C3orf85: variants seen among roughly 807,000 people sequenced by gnomAD.
C3orf85 encodes the protein uncharacterized protein C3orf85.
In C3orf85, 1 loss-of-function variant was observed where a neutral mutation model predicts 1.7. The ratio of observed to expected loss-of-function variants is 0.60; its 90% CI spans 0.21 to 2.86. The LOEUF (loss-of-function observed/expected upper bound fraction) is 2.86. Among genes scored for constraint, C3orf85 ranks in the 30% most tolerant of loss-of-function variants. C3orf85 has a pLI of 0.22. For missense variants in C3orf85, 29 were observed against 21.3 expected (o/e 1.36, Z -0.72); for synonymous variants, 17 against 8.0 (o/e 2.13, Z -1.90).
chr3:109,142,508 A>G (rs951661879), intron 2 of C3orf85, among the ~76,000 whole-genome samples: 7 of 152,210 alleles, frequency 4.6e-5, no homozygotes, highest in Non-Finnish European at 8.8e-5. Flanking sequence ...AGTATTACCT[A>G]GACCCTAAGG....
chr3:109,146,630 T>C (rs989034092), intron 2 of C3orf85, among the ~76,000 whole-genome samples: 4 of 152,256 alleles, frequency 2.6e-5, no homozygotes, highest in African/African-American at 9.6e-5. Flanking sequence ...TGTCATGTGG[T>C]CTTCTCCCTC....
At chr3:109,148,620 C>T (rs1003258537) in intron 3 of C3orf85, 30 of 459,792 alleles carry the variant, frequency 6.5e-5, no homozygotes, top group Admixed American at 1.9e-4. Context: ...CTTCTCAGGG[C>T]GACATTTGTC....
Position 109,136,908 on chromosome 3 carries a change from T to C in C3orf85, c.49+12T>C. On this transcript the variant is annotated intron_variant, in intron 2 of 3. Coordinates refer to ENST00000622536, the MANE Select transcript of C3orf85 (RefSeq NM_001351622.2). ...AACATTGCTTATCGGTAAGAGCCTATTTCTTTTTTATTTATCATGTCTCCT... is the reference window on the plus strand; with the variant it reads ...AACATTGCTTATCGGTAAGAGCCTACTTCTTTTTTATTTATCATGTCTCCT... 2.4e-6 allele frequency: 1 copy of C among 414,944 alleles called. No homozygotes were observed. The allele number at this position is 414,944 out of a possible 1,614,324, so 25.7% of individuals were successfully genotyped here.
intron 2 of C3orf85, among the ~76,000 whole-genome samples, chr3:109,138,947 A>G (rs907396857): frequency 6.6e-6 from 1 of 152,248 alleles, no homozygotes; most frequent in African/African-American, 2.4e-5. Context: ...GCCTTCTTCT[A>G]TAATGAAATC....
At chr3:109,144,157 T>G (rs2107834978) in intron 2 of C3orf85, among the ~76,000 whole-genome samples, 1 of 152,192 alleles carries the variant, frequency 6.6e-6, no homozygotes, top group East Asian at 1.9e-4. Context: ...AAACTCAGGG[T>G]TCAGTTTTCA....
Position 109,150,385 on chromosome 3 carries a change from C to G in C3orf85, c.*491C>G, listed in dbSNP as rs899475048. The G allele has an allele frequency of 6.6e-6, 1 of 152,092 alleles. No homozygotes were observed. The highest frequency in any genetic ancestry group is 1.5e-5 in the Non-Finnish European group (1 of 68,018). The allele number at this position is 152,092 out of a possible 1,614,324, so 9.4% of individuals were successfully genotyped here. ...ACCATGACTTTGAAACGTTTTTCAT[C>G]AAAGGTGTACTGCTGAGTGGAGAAT... On this transcript the variant is annotated 3_prime_UTR_variant, in exon 4 of 4. Coordinates refer to ENST00000622536, the MANE Select transcript of C3orf85 (RefSeq NM_001351622.2).
chr3:109,139,452 T>A (rs754397576), intron 2 of C3orf85, among the ~76,000 whole-genome samples: 1 of 152,160 alleles, frequency 6.6e-6, no homozygotes, highest in Non-Finnish European at 1.5e-5. Context: ...AGGGCATTTA[T>A]TAAAACCAAA....
rs1706823106 is a variant in C3orf85 at position 109,148,301 on chromosome 3, T to A, written c.98T>A (p.Leu33Gln). 1.4e-6 allele frequency: 1 copy of A among 702,746 alleles called. No homozygotes were observed. The highest frequency in any genetic ancestry group is 2.6e-6 in the Non-Finnish European group (1 of 384,800). The allele number at this position is 702,746 out of a possible 1,614,324, so 43.5% of individuals were successfully genotyped here. A position where few individuals can be genotyped will look rare whatever the true frequency, so the allele number is the denominator to read the frequency against. Residue 33 changes from leucine to glutamine, a missense_variant, in exon 3 of 4, where the codon CTA (leucine) becomes CAA (glutamine). Coordinates refer to ENST00000622536, the MANE Select transcript of C3orf85 (RefSeq NM_001351622.2). ...TTGGAAGACCCTGCAAACCAGTTCC[T>A]ACGTCTCAAAAGACATGTAAATTTG... is the stretch of plus-strand genomic sequence containing the variant. ...FLLEDPANQF[L>Q]RLKRHVNLQD...
At chr3:109,143,744 C>T (rs568034933) in intron 2 of C3orf85, among the ~76,000 whole-genome samples, 29 of 152,234 alleles carry the variant, frequency 1.9e-4, no homozygotes, top group African/African-American at 6.7e-4. Flanking sequence ...ACTTGTTTCA[C>T]AGAATAAAAA....
At position 109,150,135 on chromosome 3, in the gene C3orf85, T is replaced by G. The variant is rs923003708; in HGVS notation, c.*241T>G. 1 of 247,400 alleles carries G rather than the reference T, an allele frequency of 4.0e-6. No homozygotes were observed. Among genetic ancestry groups the G allele is most frequent in the African/African-American group, 2.2e-5 (1 of 44,556 alleles). The allele number at this position is 247,400 out of a possible 1,614,324, so 15.3% of individuals were successfully genotyped here. On this transcript the variant is annotated 3_prime_UTR_variant, in exon 4 of 4. Transcript: ENST00000622536. ...GAACTAAAAAAAAAAAAGGCTGTAG[T>G]AATAACATTTACCAAAACGATGGCA...
intron 3 of C3orf85, chr3:109,148,822 T>TTAAGCTTAATAAATTATTAATC (rs1706831128): frequency 6.3e-6 from 1 of 158,182 alleles, no homozygotes; most frequent in African/African-American, 2.4e-5. Flanking sequence ...TAATAAATTA[T>TTAAGCTTAATAAATTATTAATC]TACATGTATG....
At chr3:109,144,915 A>G (rs1047270215) in intron 2 of C3orf85, among the ~76,000 whole-genome samples, 5 of 152,248 alleles carry the variant, frequency 3.3e-5, no homozygotes, top group Admixed American at 6.5e-5. Context: ...CACATAAAAT[A>G]TGTAACACTG....
chr3:109,140,702 T>C (rs1706735515), intron 2 of C3orf85, among the ~76,000 whole-genome samples: 1 of 152,210 alleles, frequency 6.6e-6, no homozygotes, highest in Admixed American at 6.5e-5. Context: ...ATTATGAATT[T>C]CCATGTCTAC....
At chr3:109,142,944 A>AC (rs1478140012) in intron 2 of C3orf85, among the ~76,000 whole-genome samples, 7 of 152,256 alleles carry the variant, frequency 4.6e-5, no homozygotes, top group Non-Finnish European at 8.8e-5. Context: ...TGATGACTGG[A>AC]CCCCCAAATT....
chr3:109,137,564 C>G (rs942817973), intron 2 of C3orf85, among the ~76,000 whole-genome samples: 1 of 148,802 alleles, frequency 6.7e-6, no homozygotes, highest in South Asian at 2.1e-4. Flanking sequence ...GACTCATGCA[C>G]AAAAATTATA....
Position 109,138,829 on chromosome 3 carries a change from G to A in C3orf85, c.49+1933G>A, listed in dbSNP as rs549412840. 2.0e-5 allele frequency among the ~76,000 whole-genome samples: 3 copies of A among 152,236 alleles called. 1 individual carries two copies. The highest frequency in any genetic ancestry group is 7.2e-5 in the African/African-American group (3 of 41,548). On this transcript the variant is annotated intron_variant, in intron 2 of 3. Coordinates refer to ENST00000622536, the MANE Select transcript of C3orf85 (RefSeq NM_001351622.2). The stretch of plus-strand genomic sequence containing the variant: ...TAGTCAGAGAATTAGAAGTTCAAGT[G>A]TTGTGATTTGATTTAAAAAATAAGC...
intron 2 of C3orf85, among the ~76,000 whole-genome samples, chr3:109,147,514 G>A (rs560215797): frequency 2.2e-4 from 33 of 152,120 alleles, no homozygotes; most frequent in Non-Finnish European, 4.1e-4. Context: ...GTATTGGTTC[G>A]TTATAATTCT....
At chr3:109,144,387 T>C (rs11924678) in intron 2 of C3orf85, among the ~76,000 whole-genome samples, 1,626 of 152,302 alleles carry the variant, frequency 0.011, 35 homozygotes, top group African/African-American at 0.037. Flanking sequence ...ATGTCAATTT[T>C]CTCAATTTGT....
chr3:109,140,256 C>G (rs932216861), intron 2 of C3orf85, among the ~76,000 whole-genome samples: 3 of 152,112 alleles, frequency 2.0e-5, no homozygotes, highest in African/African-American at 7.2e-5. Context: ...AGATTAGGTT[C>G]GCAGACACTT....
Sources: gnomAD v4.1 joint callset for allele counts (sites outside exome capture counted in the v4.1 genomes callset) on GRCh38, gnomAD v4.1.1 for gene constraint, MANE v1.5 for transcripts, NCBI Gene and HGNC (gene_info 2026-07-23, HGNC 2026-07-21) for gene names.